Variants in FMNL2 observed in about 807,000 individuals in gnomAD.
FMNL2 encodes the protein formin like 2.
Under a neutral mutation model 130.2 loss-of-function variants are expected in FMNL2, and 51 were observed. The observed-to-expected ratio is 0.39, with a 90% confidence interval of 0.31 to 0.49. The LOEUF (loss-of-function observed/expected upper bound fraction) is 0.49, where lower values mean the gene tolerates loss of function less well. Ranked by LOEUF, FMNL2 falls within the 20% of genes least tolerant of loss-of-function variation. The probability of loss-of-function intolerance (pLI) is 0.85; values close to 1 mark genes in which losing one functional copy is unlikely to be tolerated. For missense variants in FMNL2, 977 were observed against 1,316.2 expected (o/e 0.74, Z 3.99); for synonymous variants, 465 against 467.1 (o/e 1.00, Z 0.06).
chr2:152,565,646 G>A (rs567257693), intron 6 of FMNL2, among the ~76,000 whole-genome samples: 4 of 151,940 alleles, frequency 2.6e-5, no homozygotes, highest in Admixed American at 6.6e-5. Flanking sequence ...CCATTGCAAC[G>A]GTTTATTTTC....
At chr2:152,643,425 A>C (rs1683266077) in intron 25 of FMNL2, 1 of 1,535,954 alleles carries the variant, frequency 6.5e-7, no homozygotes, top group Non-Finnish European at 8.7e-7. Flanking sequence ...GCAGTGCTGA[A>C]GACTGTGCCC....
chr2:152,490,273 G>T (rs1397031440), intron 1 of FMNL2, among the ~76,000 whole-genome samples: 1 of 151,648 alleles, frequency 6.6e-6, no homozygotes, highest in Non-Finnish European at 1.5e-5. Flanking sequence ...TGTGAGAGTG[G>T]TTGGGGGGAG....
At chr2:152,472,752 C>G (rs1382606062) in intron 1 of FMNL2, among the ~76,000 whole-genome samples, 1 of 152,216 alleles carries the variant, frequency 6.6e-6, no homozygotes, top group Non-Finnish European at 1.5e-5. Flanking sequence ...TTTTCCTGCT[C>G]ATTCCAGCCC....
intron 20 of FMNL2, among the ~76,000 whole-genome samples, chr2:152,630,799 C>T (rs1682108363): frequency 6.6e-6 from 1 of 152,184 alleles, no homozygotes; most frequent in Non-Finnish European, 1.5e-5. Flanking sequence ...CTGCATGCAC[C>T]TGCTGGCTGT....
chr2:152,552,796 G>C (rs1293136380), intron 4 of FMNL2, among the ~76,000 whole-genome samples: 1 of 152,192 alleles, frequency 6.6e-6, no homozygotes, highest in Non-Finnish European at 1.5e-5. Flanking sequence ...CAGATGCCAT[G>C]GTGCTTAAGA....
chr2:152,469,281 C>G (rs961379560), intron 1 of FMNL2, among the ~76,000 whole-genome samples: 1 of 152,220 alleles, frequency 6.6e-6, no homozygotes, highest in Non-Finnish European at 1.5e-5. Flanking sequence ...TTCCTGATAT[C>G]ATGTGTAACA....
At chr2:152,637,421 G>A (rs1322602216) in intron 22 of FMNL2, among the ~76,000 whole-genome samples, 152 bp from the exon 23 acceptor site, 2 of 152,188 alleles carry the variant, frequency 1.3e-5, no homozygotes, top group East Asian at 1.9e-4. Context: ...ACACGGAGGC[G>A]TTAGGCAATC....
In FMNL2 at chr2:152,647,828, G is replaced by T. The variant is rs1204189180; in HGVS notation, c.3202G>T (p.Ala1068Ser). 1.2e-6 allele frequency: 2 copies of T among 1,613,964 alleles called. No individual in the cohort carries two copies. The highest frequency in any genetic ancestry group is 1.7e-6 in the Non-Finnish European group (2 of 1,179,874). The change falls in exon 26 of 26, where the codon GCG (alanine) becomes TCG (serine). Residue 1068 changes from alanine (A) to serine (S), a missense_variant. Physicochemically the swap from Ala to Ser is moderately conservative, Grantham distance 99 (BLOSUM62 1). Coordinates refer to ENST00000288670, the MANE Select transcript of FMNL2 (RefSeq NM_052905.4). ...LRNQPYRRADAVRRSVRRRFD... is the reference protein window; with the variant it reads ...LRNQPYRRADSVRRSVRRRFD... ...AAACCAACCATACAGACGAGCCGATGCGGTGAGGAGAAGCGTCAGGCGGCG... is the reference window on the plus strand; with the variant it reads ...AAACCAACCATACAGACGAGCCGATTCGGTGAGGAGAAGCGTCAGGCGGCG...
intron 2 of FMNL2, among the ~76,000 whole-genome samples, chr2:152,534,353 T>A (rs1693869625): frequency 6.6e-6 from 1 of 152,194 alleles, no homozygotes; most frequent in Non-Finnish European, 1.5e-5. Context: ...AGCTAGCACC[T>A]ATTGAAGTTA....
intron 25 of FMNL2, chr2:152,643,640 T>C (rs530214035): frequency 6.8e-7 from 1 of 1,475,816 alleles, no homozygotes; most frequent in South Asian, 1.4e-5. Context: ...CATCATGTTA[T>C]ATTTTGTGTT....
intron 21 of FMNL2, among the ~76,000 whole-genome samples, chr2:152,634,681 A>G (rs1580146265): frequency 6.6e-6 from 1 of 152,210 alleles, no homozygotes; most frequent in South Asian, 2.1e-4. Context: ...AATATGGCGG[A>G]TGAGGCAAAG....
At chr2:152,494,919 A>G (rs1219874858) in intron 1 of FMNL2, among the ~76,000 whole-genome samples, 1 of 152,220 alleles carries the variant, frequency 6.6e-6, no homozygotes, top group Non-Finnish European at 1.5e-5. Context: ...ATTATGTGCC[A>G]GGCCCTGTTA....
intron 13 of FMNL2, among the ~76,000 whole-genome samples, 164 bp downstream of exon 13, chr2:152,617,356 C>T (rs575380081): frequency 2.0e-5 from 3 of 152,270 alleles, no homozygotes; most frequent in African/African-American, 7.2e-5. Context: ...TACACATAGT[C>T]GGCGTTATGT....
chr2:152,387,841 G>T (rs7602505), intron 1 of FMNL2, among the ~76,000 whole-genome samples: 25 of 150,640 alleles, frequency 1.7e-4, no homozygotes, highest in African/African-American at 5.6e-4. Context: ...TTTTGTAGAG[G>T]TGGTGTCTCA....
intron 9 of FMNL2, among the ~76,000 whole-genome samples, chr2:152,583,417 T>G (rs1362307121): frequency 6.6e-6 from 1 of 152,164 alleles, no homozygotes; most frequent in Non-Finnish European, 1.5e-5. Flanking sequence ...GTGTGGAGAT[T>G]TATTGCAAAG....
intron 1 of FMNL2, among the ~76,000 whole-genome samples, chr2:152,481,507 G>A (rs1690520989): frequency 6.6e-6 from 1 of 152,204 alleles, no homozygotes. Flanking sequence ...AAATAGTGCT[G>A]CCCAGGCTTT....
At chr2:152,352,575 G>A (rs950435561) in intron 1 of FMNL2, among the ~76,000 whole-genome samples, 36 of 152,242 alleles carry the variant, frequency 2.4e-4, no homozygotes, top group African/African-American at 8.7e-4. Context: ...TTTTCAGTCT[G>A]TGTTCATTTT....
chr2:152,353,770 T>C (rs1682635638), intron 1 of FMNL2, among the ~76,000 whole-genome samples: 1 of 152,366 alleles, frequency 6.6e-6, no homozygotes, highest in East Asian at 1.9e-4. Context: ...TTTTGTACTC[T>C]TTTAAAATTT....
At chr2:152,532,377 C>T (rs917637783) in intron 2 of FMNL2, among the ~76,000 whole-genome samples, 4 of 152,074 alleles carry the variant, frequency 2.6e-5, no homozygotes, top group South Asian at 4.1e-4. Context: ...TTCCTACCAG[C>T]GATGTAATAG....
Sources: gnomAD v4.1 joint callset for allele counts (sites outside exome capture counted in the v4.1 genomes callset) on GRCh38, gnomAD v4.1.1 for gene constraint, MANE v1.5 for transcripts, NCBI Gene and HGNC (gene_info 2026-07-23, HGNC 2026-07-21) for gene names.